The following KY variants were observed in gnomAD, a reference collection of about 807,000 sequenced individuals.
KY encodes the protein kyphoscoliosis peptidase.
In KY, 43 loss-of-function variants were observed where a neutral mutation model predicts 76.1. The observed-to-expected ratio is 0.57, with a 90% confidence interval of 0.44 to 0.73. The LOEUF (loss-of-function observed/expected upper bound fraction) is 0.73. Ranked by LOEUF, KY falls within the 30% of genes least tolerant of loss-of-function variation. The pLI, the probability that KY is intolerant of heterozygous loss-of-function variation, is 0.00. For missense variants in KY, 722 were observed against 828.9 expected (o/e 0.87, Z 1.58); for synonymous variants, 277 against 326.2 (o/e 0.85, Z 1.63).
intron 3 of KY, 101 bp from the exon 4 acceptor site, chr3:134,629,796 C>T (rs62270962): frequency 1.3e-6 from 1 of 747,482 alleles, no homozygotes; most frequent in Non-Finnish European, 2.3e-6. Flanking sequence ...AGTTTTAGAA[C>T]TTTCTTTTGT....
intron 3 of KY, among the ~76,000 whole-genome samples, chr3:134,633,234 G>A (rs1321565442): frequency 6.6e-6 from 1 of 151,988 alleles, no homozygotes; most frequent in Non-Finnish European, 1.5e-5. Context: ...GAAGAGAAGT[G>A]AATGCTTCAT....
intron 3 of KY, chr3:134,639,799 A>AT (rs1965481524): frequency 6.6e-6 from 1 of 151,538 alleles, no homozygotes. Context: ...CGAAAAAAAA[A>AT]AAACCAGCCA....
chr3:134,650,989 C>G lies in KY; in HGVS notation c.-29G>C, dbSNP rs908373769. On this transcript the variant is annotated 5_prime_UTR_variant, in exon 1 of 11. Coordinates refer to ENST00000423778, the MANE Select transcript of KY (RefSeq NM_178554.6). Reference sequence around the variant, plus strand: ...GCCGCCTCCTTTCCGACCTGGGCGCCGCGGCCGCACGCTAGGCTGCTTGCG... The same window carrying G: ...GCCGCCTCCTTTCCGACCTGGGCGCGGCGGCCGCACGCTAGGCTGCTTGCG... 10 of 1,612,184 alleles carry G rather than the reference C, an allele frequency of 6.2e-6. No individual in the cohort carries two copies. The African/African-American group carries it at 9.3e-5, about 15-fold the overall frequency.
chr3:134,621,511 C>T (rs4456908), intron 6 of KY, among the ~76,000 whole-genome samples: 93,131 of 152,040 alleles, frequency 0.61, 29,208 homozygotes, highest in East Asian at 0.87. Flanking sequence ...ATTGAGTTTC[C>T]ACATGCAAAA....
chr3:134,639,546 A>T (rs1965444988), intron 3 of KY, among the ~76,000 whole-genome samples: 1 of 152,120 alleles, frequency 6.6e-6, no homozygotes, highest in South Asian at 2.1e-4. Context: ...TGGCAGTTTG[A>T]CCCTAGTGCA....
At chr3:134,606,913 G>A (rs563191784) in intron 10 of KY, 1 of 984,322 alleles carries the variant, frequency 1.0e-6, no homozygotes, top group South Asian at 4.7e-5. Flanking sequence ...CTTCCTTTCT[G>A]CTCATCTCAG....
chr3:134,621,420 A>G (rs1461581496), intron 6 of KY, among the ~76,000 whole-genome samples: 2 of 152,228 alleles, frequency 1.3e-5, no homozygotes, highest in African/African-American at 4.8e-5. Flanking sequence ...CCACATATCT[A>G]CGGTTAGTGG....
chr3:134,602,636 G>A lies in KY; in HGVS notation c.*943C>T, dbSNP rs1959018600. On this transcript the variant is annotated 3_prime_UTR_variant, in exon 11 of 11. Coordinates refer to ENST00000423778, the MANE Select transcript of KY (RefSeq NM_178554.6). The stretch of plus-strand genomic sequence containing the variant: ...GGTCCTTATTCAGGGCTATCCACAA[G>A]ACTCCCCAAGGGCCTGGCCAGCCTC... 6.6e-6 allele frequency among the ~76,000 whole-genome samples: 1 copy of A among 152,140 alleles called. No homozygotes were observed. Among genetic ancestry groups the A allele is most frequent in the African/African-American group, 2.4e-5 (1 of 41,432 alleles).
At chr3:134,624,915 G>A (rs963824981) in intron 6 of KY, 138 bp downstream of exon 6, 10 of 733,532 alleles carry the variant, frequency 1.4e-5, no homozygotes, top group Non-Finnish European at 2.1e-5. Flanking sequence ...CCACCCATAT[G>A]CTATGAAAAG....
chr3:134,623,419 C>T lies in KY; in HGVS notation c.483+1634G>A, dbSNP rs1297281235. On this transcript the variant is annotated intron_variant, in intron 6 of 10. Transcript: ENST00000423778. ...TCCTCACTAAGAGTCTCATCCTCCC[C>T]TCCTGCTTCAGCCTTCTCTATGTCT... 3.3e-5 allele frequency among the ~76,000 whole-genome samples: 5 copies of T among 152,186 alleles called. No homozygotes were observed. The East Asian group carries it at 9.6e-4, about 29-fold the overall frequency.
intron 5 of KY, among the ~76,000 whole-genome samples, chr3:134,627,157 C>A (rs1423082406): frequency 6.6e-6 from 1 of 152,138 alleles, no homozygotes; most frequent in Non-Finnish European, 1.5e-5. Context: ...TTAAATCTAC[C>A]TGTGAGGAGA....
intron 3 of KY, among the ~76,000 whole-genome samples, chr3:134,636,861 T>C (rs1193123727): frequency 1.3e-5 from 2 of 152,260 alleles, no homozygotes; most frequent in African/African-American, 4.8e-5. Flanking sequence ...TAGTAGTCTT[T>C]GCCTATACTT....
At chr3:134,632,257 A>T (rs1254262988) in intron 3 of KY, among the ~76,000 whole-genome samples, 11 of 152,100 alleles carry the variant, frequency 7.2e-5, no homozygotes, top group African/African-American at 2.7e-4. Flanking sequence ...CTACACAATG[A>T]ATAAAATTTA....
rs1050111571 is a variant in KY, at chr3:134,603,286, C to T, written c.*293G>A. 3 of 277,192 alleles carry T rather than the reference C, an allele frequency of 1.1e-5. No homozygotes were observed. The highest frequency in any genetic ancestry group is 2.2e-5 in the African/African-American group (1 of 45,804). The allele number at this position is 277,192 out of a possible 1,614,324, so 17.2% of individuals were successfully genotyped here. ...AACAACAACAGCAGCAGCACTAATA[C>T]GAGAAGGGGCATCTGGATGCAGGTG... On this transcript the variant is annotated 3_prime_UTR_variant, in exon 11 of 11. Transcript: ENST00000423778.
rs779374570 is a variant in KY at position 134,603,657 on chromosome 3, T to G, written c.1908A>C (p.Glu636Asp). The change falls in exon 11 of 11, where the codon GAA (glutamate) becomes GAC (aspartate). Residue 636 changes from glutamate to aspartate, a missense_variant. Transcript: ENST00000423778. ...EGSCSTAGCQEVYVMVLENAN... is the reference protein window; with the variant it reads ...EGSCSTAGCQDVYVMVLENAN... ...CATTCTCCAGCACCATGACATAGAC[T>G]TCCTGGCAGCCAGCTGTGCTGCAGC... 10 of 1,613,474 alleles carry G rather than the reference T, an allele frequency of 6.2e-6. No homozygotes were observed. The highest frequency in any genetic ancestry group is 8.5e-6 in the Non-Finnish European group (10 of 1,179,686).
intron 8 of KY, among the ~76,000 whole-genome samples, chr3:134,611,554 C>T (rs1402802279): frequency 6.6e-6 from 1 of 152,220 alleles, no homozygotes; most frequent in Admixed American, 6.5e-5. Context: ...AGACATTTTC[C>T]TTGCACTCAT....
intron 3 of KY, among the ~76,000 whole-genome samples, chr3:134,640,628 C>T (rs938256629): frequency 6.6e-6 from 1 of 152,162 alleles, no homozygotes; most frequent in Non-Finnish European, 1.5e-5. Context: ...GAAAGTGGCA[C>T]ATGGAGTAAC....
chr3:134,650,474 T>A (rs955498556), intron 1 of KY, among the ~76,000 whole-genome samples: 3 of 152,154 alleles, frequency 2.0e-5, no homozygotes, highest in African/African-American at 4.8e-5. Context: ...CTGCTACCCA[T>A]GAGTCAGCCC....
chr3:134,608,542 G>T, intron 10 of KY, 107 bp downstream of exon 10: 3 of 1,604,822 alleles, frequency 1.9e-6, no homozygotes, highest in Non-Finnish European at 2.5e-6. Flanking sequence ...CAAGCCATGC[G>T]TCTGGAAGGG....
Sources: allele counts gnomAD v4.1 joint callset (sites outside exome capture counted in the v4.1 genomes callset), GRCh38; gene constraint gnomAD v4.1.1; transcripts MANE v1.5; gene names NCBI Gene and HGNC (gene_info 2026-07-23, HGNC 2026-07-21).